Variants in MAST4 observed in about 807,000 individuals in gnomAD.
The protein encoded by MAST4 is microtubule-associated serine/threonine-protein kinase 4.
A neutral mutation model predicts 162.7 loss-of-function variants in MAST4; 89 were observed. The observed-to-expected ratio is 0.55, with a 90% CI of 0.46 to 0.65. The LOEUF (loss-of-function observed/expected upper bound fraction) is 0.65. Among genes scored for constraint, MAST4 ranks in the 30% least tolerant of loss-of-function variants. The probability of loss-of-function intolerance (pLI) is 0.00; values close to 1 mark genes in which losing one functional copy is unlikely to be tolerated. For missense variants in MAST4, 3,153 were observed against 3,374.0 expected (o/e 0.93, Z 1.62); for synonymous variants, 1,479 against 1,361.1 (o/e 1.09, Z -1.91).
chr5:66,624,873 A>C (rs1475633914), intron 1 of MAST4, among the ~76,000 whole-genome samples: 5 of 152,254 alleles, frequency 3.3e-5, no homozygotes, highest in African/African-American at 1.2e-4. Flanking sequence ...TGGATGAAAG[A>C]CTTTAACATA....
intron 2 of MAST4, among the ~76,000 whole-genome samples, chr5:66,770,991 C>T (rs1472143897): frequency 1.1e-4 from 16 of 152,108 alleles, no homozygotes; most frequent in Admixed American, 1.0e-3. Flanking sequence ...TCAGATACAG[C>T]TAAACCATTA....
intron 8 of MAST4, 41 bp downstream of exon 8, chr5:67,100,633 T>A (rs779046846): frequency 5.6e-6 from 9 of 1,611,440 alleles, no homozygotes; most frequent in Non-Finnish European, 5.9e-6. Flanking sequence ...AGTTGGATTC[T>A]CTATTTTCAA....
intron 1 of MAST4, among the ~76,000 whole-genome samples, chr5:66,733,324 A>C: frequency 6.8e-6 from 1 of 146,552 alleles, no homozygotes; most frequent in Non-Finnish European, 1.5e-5. Flanking sequence ...CCCCCACCAC[A>C]CACATGCACA....
At chr5:66,966,554 C>T (rs1386542149) in intron 4 of MAST4, among the ~76,000 whole-genome samples, 1 of 152,108 alleles carries the variant, frequency 6.6e-6, no homozygotes, top group Non-Finnish European at 1.5e-5. Context: ...TCAAGGATGC[C>T]TTGGGCATCA....
chr5:66,787,362 G>A (rs892101615), intron 2 of MAST4, among the ~76,000 whole-genome samples: 1 of 152,160 alleles, frequency 6.6e-6, no homozygotes, highest in African/African-American at 2.4e-5. Flanking sequence ...TAATAAAAGA[G>A]TGAAAAAGCA....
intron 19 of MAST4, among the ~76,000 whole-genome samples, chr5:67,139,893 C>T (rs1561707263): frequency 1.3e-5 from 2 of 152,166 alleles, no homozygotes; most frequent in Admixed American, 6.5e-5. Context: ...GCACAAAGGC[C>T]AAAGGGTGAG....
intron 3 of MAST4, among the ~76,000 whole-genome samples, chr5:66,789,987 AATTTTTTT>A: frequency 1.3e-5 from 1 of 77,852 alleles, no homozygotes; most frequent in Non-Finnish European, 2.3e-5. Flanking sequence ...TGCTTATTAG[AATTTTTTT>A]TTTTTTTTTT....
At chr5:66,710,464 T>C (rs945016285) in intron 1 of MAST4, among the ~76,000 whole-genome samples, 1 of 152,208 alleles carries the variant, frequency 6.6e-6, no homozygotes, top group Non-Finnish European at 1.5e-5. Flanking sequence ...TCTCTTTTCA[T>C]CTTTCTTCCT....
intron 3 of MAST4, among the ~76,000 whole-genome samples, chr5:66,814,201 A>C (rs1325014083): frequency 1.3e-5 from 2 of 152,204 alleles, no homozygotes; most frequent in Non-Finnish European, 2.9e-5. Context: ...AAATTATGAA[A>C]TCAGAATAAC....
chr5:66,783,844 ATGGC>A (rs1029122585), intron 2 of MAST4, among the ~76,000 whole-genome samples: 1 of 152,130 alleles, frequency 6.6e-6, no homozygotes, highest in African/African-American at 2.4e-5. Context: ...GAGAAAGGGC[ATGGC>A]TCAGGTGTTC....
chr5:66,806,006 A>C (rs1264176805), intron 3 of MAST4, among the ~76,000 whole-genome samples: 1 of 152,194 alleles, frequency 6.6e-6, no homozygotes, highest in Non-Finnish European at 1.5e-5. Flanking sequence ...GTTCTCTGCT[A>C]TGGAAACTTT....
intron 25 of MAST4, 108 bp from the exon 26 acceptor site, chr5:67,153,350 A>T: frequency 8.7e-7 from 1 of 1,144,268 alleles, no homozygotes; most frequent in Non-Finnish European, 1.2e-6. Flanking sequence ...ATTTTCTATT[A>T]GAGGCTTAGG....
chr5:66,758,604 T>A (rs1400573179), intron 1 of MAST4, among the ~76,000 whole-genome samples: 1 of 152,038 alleles, frequency 6.6e-6, no homozygotes, highest in Non-Finnish European at 1.5e-5. Flanking sequence ...TTGAATATGA[T>A]GCAGTGCATG....
chr5:66,866,195 G>C (rs372204268), intron 3 of MAST4, among the ~76,000 whole-genome samples: 2 of 119,142 alleles, frequency 1.7e-5, no homozygotes, highest in Non-Finnish European at 4.1e-5. Flanking sequence ...GTTAGCTGCC[G>C]TCGTAGGGTC....
At chr5:66,645,472 A>G (rs1034158719) in intron 1 of MAST4, among the ~76,000 whole-genome samples, 8 of 152,224 alleles carry the variant, frequency 5.3e-5, no homozygotes, top group Non-Finnish European at 1.2e-4. Context: ...TTAAAAACTC[A>G]GCTGGGGCTT....
At chr5:66,916,918 A>G (rs777221403) in intron 4 of MAST4, 2 of 705,924 alleles carry the variant, frequency 2.8e-6, no homozygotes, top group Non-Finnish European at 5.3e-6. Flanking sequence ...CCCACAACAA[A>G]CAGTGCTGCA....
chr5:66,659,644 C>T (rs1221206955), intron 1 of MAST4, among the ~76,000 whole-genome samples: 1 of 152,182 alleles, frequency 6.6e-6, no homozygotes, highest in African/African-American at 2.4e-5. Context: ...TTGAATCATT[C>T]ATTTTGTCAT....
At chr5:66,987,455 CTTTTT>C (rs534150768) in intron 4 of MAST4, among the ~76,000 whole-genome samples, 1 of 147,606 alleles carries the variant, frequency 6.8e-6, no homozygotes, top group Non-Finnish European at 1.5e-5. Flanking sequence ...TTTTTTTCTA[CTTTTT>C]TTTTTAGGTG....
chr5:66,976,244 C>T (rs779619350), intron 4 of MAST4, among the ~76,000 whole-genome samples: 1 of 152,214 alleles, frequency 6.6e-6, no homozygotes, highest in Admixed American at 6.5e-5. Flanking sequence ...CGAGGCATTA[C>T]CCCTTTCTGG....
Sources: allele counts gnomAD v4.1 joint callset (sites outside exome capture counted in the v4.1 genomes callset), GRCh38; gene constraint gnomAD v4.1.1; transcripts MANE v1.5; gene names NCBI Gene and HGNC (gene_info 2026-07-23, HGNC 2026-07-21).